Variants in GNA14 observed in about 807,000 individuals in gnomAD.
GNA14 encodes guanine nucleotide-binding protein subunit alpha-14.
Under a neutral mutation model 42.0 loss-of-function variants are expected in GNA14, and 50 were observed. The observed-to-expected ratio is 1.19, with a 90% CI of 0.95 to 1.51. GNA14 has a LOEUF of 1.51. Ranked by LOEUF, GNA14 falls within the 40% of genes most tolerant of loss-of-function variation. The probability of loss-of-function intolerance (pLI) is 0.00; values close to 1 mark genes in which losing one functional copy is unlikely to be tolerated. For missense variants in GNA14, 473 were observed against 446.2 expected, an observed-to-expected ratio of 1.06 and a Z score of -0.54; for synonymous variants, 173 against 163.1, an observed-to-expected ratio of 1.06 and a Z score of -0.46.
intron 1 of GNA14, among the ~76,000 whole-genome samples, chr9:77,620,585 G>A (rs545005601): frequency 3.6e-4 from 55 of 152,106 alleles, no homozygotes; most frequent in African/African-American, 1.3e-3. Flanking sequence ...GTGGTGGCTC[G>A]TGCCTGTAAT....
At chr9:77,531,319 C>G (rs1026789273) in intron 1 of GNA14, among the ~76,000 whole-genome samples, 1 of 152,148 alleles carries the variant, frequency 6.6e-6, no homozygotes, top group Admixed American at 6.5e-5. Flanking sequence ...ATGAATTGAA[C>G]AAGGATAAAC....
intron 1 of GNA14, among the ~76,000 whole-genome samples, chr9:77,556,327 T>C (rs1822781372): frequency 6.6e-6 from 1 of 152,014 alleles, no homozygotes; most frequent in Non-Finnish European, 1.5e-5. Flanking sequence ...AAACACATCA[T>C]GGCAGATATA....
intron 1 of GNA14, among the ~76,000 whole-genome samples, chr9:77,549,339 G>A (rs984411244): frequency 3.3e-5 from 5 of 152,072 alleles, no homozygotes; most frequent in African/African-American, 4.8e-5. Flanking sequence ...GCACATTTAC[G>A]GTACCTGTTG....
At chr9:77,454,394 T>A (rs1447653595) in intron 2 of GNA14, among the ~76,000 whole-genome samples, 1 of 152,218 alleles carries the variant, frequency 6.6e-6, no homozygotes, top group Admixed American at 6.5e-5. Context: ...GGATAACCTT[T>A]CGCTCGCTGT....
intron 1 of GNA14, among the ~76,000 whole-genome samples, chr9:77,600,448 C>T (rs1211898070): frequency 2.6e-5 from 4 of 152,202 alleles, no homozygotes; most frequent in African/African-American, 9.7e-5. Flanking sequence ...AATGAGTATT[C>T]TCCTTGGCAC....
At chr9:77,527,656 G>A (rs989739080) in intron 2 of GNA14, among the ~76,000 whole-genome samples, 2 of 152,032 alleles carry the variant, frequency 1.3e-5, no homozygotes, top group African/African-American at 4.8e-5. Flanking sequence ...TTTTTGAGAC[G>A]GAGTTTCGCT....
chr9:77,545,352 C>T (rs1021072427), intron 1 of GNA14, among the ~76,000 whole-genome samples: 1 of 152,134 alleles, frequency 6.6e-6, no homozygotes, highest in African/African-American at 2.4e-5. Context: ...AAATATAATG[C>T]ACTACCGTTC....
At chr9:77,447,502 T>C (rs1835841190) in intron 2 of GNA14, among the ~76,000 whole-genome samples, 1 of 152,188 alleles carries the variant, frequency 6.6e-6, no homozygotes, top group Non-Finnish European at 1.5e-5. Context: ...CTTTCCTTTA[T>C]CCAGATCTGA....
intron 2 of GNA14, among the ~76,000 whole-genome samples, chr9:77,476,037 T>A: frequency 6.6e-6 from 1 of 152,060 alleles, no homozygotes. Flanking sequence ...TACATGTGAC[T>A]AAGAAATGCA....
At chr9:77,564,392 T>A (rs1041861250) in intron 1 of GNA14, among the ~76,000 whole-genome samples, 3 of 152,072 alleles carry the variant, frequency 2.0e-5, no homozygotes, top group Non-Finnish European at 4.4e-5. Context: ...TAAAAAAGCT[T>A]CCCTGGTGGT....
intron 2 of GNA14, among the ~76,000 whole-genome samples, chr9:77,460,783 G>T (rs1359969603): frequency 6.6e-6 from 1 of 152,176 alleles, no homozygotes; most frequent in African/African-American, 2.4e-5. Flanking sequence ...AGAATGAAAA[G>T]AACGAAGTGC....
rs146045963 is a variant in GNA14, at chr9:77,429,014, G to A, written c.616C>T (p.Arg206Ter). 105 of 1,613,792 alleles carry A rather than the reference G, an allele frequency of 6.5e-5. No individual in the cohort carries two copies. The Middle Eastern group carries it at 3.5e-3, about 53-fold the overall frequency. The change falls in exon 5 of 7, where the codon CGA becomes TGA. Residue 206 changes from arginine to a stop codon, truncating the protein, a stop_gained. Coordinates refer to ENST00000341700, the MANE Select transcript of GNA14 (RefSeq NM_004297.4). LOFTEE classifies it high-confidence loss of function. ...IFRMVDVGGQ[R>*]SERRKWIHCF... ...TGAATCCACTTCCGTCTTTCCGATCGTTGGCCACCAACATCCACCATCCTG... is the reference window on the plus strand; with the variant it reads ...TGAATCCACTTCCGTCTTTCCGATCATTGGCCACCAACATCCACCATCCTG...
chr9:77,536,649 C>T (rs894114463), intron 1 of GNA14, among the ~76,000 whole-genome samples: 2 of 152,158 alleles, frequency 1.3e-5, no homozygotes, highest in Admixed American at 1.3e-4. Flanking sequence ...CGTGCCCTGC[C>T]TTATTAGTCT....
At chr9:77,498,086 A>G (rs930491685) in intron 2 of GNA14, among the ~76,000 whole-genome samples, 2 of 152,286 alleles carry the variant, frequency 1.3e-5, no homozygotes, top group African/African-American at 2.4e-5. Context: ...AAATGAAAAC[A>G]AGCTGTGTCG....
intron 2 of GNA14, among the ~76,000 whole-genome samples, chr9:77,463,944 T>C (rs968157007): frequency 6.6e-6 from 1 of 152,212 alleles, no homozygotes; most frequent in East Asian, 1.9e-4. Context: ...AAATATATAG[T>C]TATACTGCCT....
chr9:77,508,407 TGTGATGAGGTGGGGTGGACA>T (rs1837104110), intron 2 of GNA14, among the ~76,000 whole-genome samples: 1 of 152,170 alleles, frequency 6.6e-6, no homozygotes, highest in Non-Finnish European at 1.5e-5. Flanking sequence ...AAATATGGAC[TGTGATGAGGTGGGGTGGACA>T]AAGGTGGTGT....
At chr9:77,583,978 T>C (rs1381255423) in intron 1 of GNA14, among the ~76,000 whole-genome samples, 1 of 152,186 alleles carries the variant, frequency 6.6e-6, no homozygotes, top group African/African-American at 2.4e-5. Flanking sequence ...TAGGTTATAT[T>C]TGTCTAAAAA....
At chr9:77,469,303 A>G (rs189724225) in intron 2 of GNA14, among the ~76,000 whole-genome samples, 7 of 147,582 alleles carry the variant, frequency 4.7e-5, no homozygotes, top group Non-Finnish European at 9.0e-5. Context: ...GAAGTATTGC[A>G]TTCATATATA....
intron 6 of GNA14, among the ~76,000 whole-genome samples, chr9:77,425,002 A>G (rs1835432576): frequency 6.6e-6 from 1 of 152,194 alleles, no homozygotes; most frequent in South Asian, 2.1e-4. Context: ...TACCTTGGAC[A>G]GGTTATGTGA....
Sources: allele counts gnomAD v4.1 joint callset (sites outside exome capture counted in the v4.1 genomes callset), GRCh38; gene constraint gnomAD v4.1.1; transcripts MANE v1.5; gene names NCBI Gene and HGNC (gene_info 2026-07-23, HGNC 2026-07-21).